The following RYR2 variants were observed in gnomAD, a reference collection of about 807,000 sequenced individuals.
RYR2 encodes the protein cardiac muscle ryanodine receptor-calcium release channel.
A neutral mutation model predicts 601.1 loss-of-function variants in RYR2; 227 were observed. That is an observed-to-expected ratio of 0.38 (90% CI 0.34 to 0.42). RYR2 has a LOEUF of 0.42. RYR2 is among the 10% of genes least tolerant of loss of function. The pLI is 1.00. For synonymous variants in RYR2, 2,223 were observed against 2,175.1 expected (o/e 1.02, Z -0.61); for missense variants, 4,646 against 6,156.5 (o/e 0.75, Z 8.21).
chr1:237,280,786 T>TG (rs1690772160), intron 2 of RYR2, among the ~76,000 whole-genome samples: 1 of 151,502 alleles, frequency 6.6e-6, no homozygotes, highest in South Asian at 2.1e-4. Flanking sequence ...TACTGGTTTT[T>TG]TTTTTTTTTG....
chr1:237,103,694 G>A (rs540971384), intron 1 of RYR2, among the ~76,000 whole-genome samples: 10 of 152,232 alleles, frequency 6.6e-5, no homozygotes, highest in African/African-American at 1.7e-4. Flanking sequence ...TCAGCCTCCC[G>A]AGTAGCTGGG....
chr1:237,822,307 C>G (rs2794838), intron 101 of RYR2, among the ~76,000 whole-genome samples: 39,946 of 152,100 alleles, frequency 0.26, 5,697 homozygotes, highest in East Asian at 0.61. Context: ...CAAAGGGAAG[C>G]ACATCAGACT....
intron 1 of RYR2, among the ~76,000 whole-genome samples, chr1:237,110,322 A>G (rs970689625): frequency 6.6e-6 from 1 of 151,660 alleles, no homozygotes; most frequent in African/African-American, 2.4e-5. Context: ...TGTGCAGGTT[A>G]GTTACATATG....
chr1:237,085,582 G>C (rs190645794), intron 1 of RYR2, among the ~76,000 whole-genome samples: 8 of 152,330 alleles, frequency 5.3e-5, no homozygotes, highest in African/African-American at 1.9e-4. Flanking sequence ...GGGTGCACGT[G>C]TGTGTTTAAT....
Position 237,335,527 on chromosome 1 carries a change from T to C in RYR2, c.273+4545T>C, listed in dbSNP as rs930724605. Among the ~76,000 whole-genome samples the C allele has an allele frequency of 7.6e-4, 116 of 152,212 alleles. 6 individuals carry two copies. The highest frequency in any genetic ancestry group is 7.4e-5 in the Non-Finnish European group (5 of 68,026). On this transcript the variant is annotated intron_variant, in intron 3 of 104. Transcript: ENST00000366574. Reference sequence around the variant, plus strand: ...GGTTTAATGCCATGAGTCCAATATATGGCTTGTATATTCTGTTGAGGACAG... The same window carrying C: ...GGTTTAATGCCATGAGTCCAATATACGGCTTGTATATTCTGTTGAGGACAG...
chr1:237,072,288 C>T (rs6680144), intron 1 of RYR2, among the ~76,000 whole-genome samples: 152,300 of 152,376 alleles, frequency 1, 76,112 homozygotes, highest in Non-Finnish European at 1. Context: ...ACTGGGATTA[C>T]AGGCATGAAC....
intron 2 of RYR2, among the ~76,000 whole-genome samples, chr1:237,307,865 G>A (rs576138851): frequency 2.0e-5 from 3 of 152,286 alleles, no homozygotes; most frequent in East Asian, 3.9e-4. Flanking sequence ...TAACAACATT[G>A]TGCAATAAAG....
chr1:237,562,239 G>T (rs1196590785), intron 27 of RYR2, among the ~76,000 whole-genome samples: 1 of 152,104 alleles, frequency 6.6e-6, no homozygotes, highest in Non-Finnish European at 1.5e-5. Context: ...ATCAAGATTT[G>T]AATTGTTTTA....
intron 101 of RYR2, among the ~76,000 whole-genome samples, chr1:237,825,727 G>C (rs1042726917): frequency 6.6e-6 from 1 of 152,122 alleles, no homozygotes; most frequent in Non-Finnish European, 1.5e-5. Flanking sequence ...GAGTGAACAG[G>C]CAACCTACAG....
intron 95 of RYR2, among the ~76,000 whole-genome samples, chr1:237,794,931 A>G (rs1573981071): frequency 6.6e-6 from 1 of 152,168 alleles, no homozygotes; most frequent in African/African-American, 2.4e-5. Flanking sequence ...TTCATGGGAA[A>G]AACAATGACA....
chr1:237,458,641 A>G (rs1240820026), intron 16 of RYR2, among the ~76,000 whole-genome samples: 1 of 152,168 alleles, frequency 6.6e-6, no homozygotes. Context: ...TGTCTGGCAC[A>G]TAGGAGATAC....
At chr1:237,209,172 T>C (rs796318611) in intron 1 of RYR2, among the ~76,000 whole-genome samples, 1 of 150,968 alleles carries the variant, frequency 6.6e-6, no homozygotes, top group Non-Finnish European at 1.5e-5. Context: ...AATTGAACTA[T>C]GATTCAGCCA....
intron 1 of RYR2, among the ~76,000 whole-genome samples, chr1:237,068,569 T>A (rs1034874372): frequency 3.3e-5 from 5 of 152,160 alleles, no homozygotes; most frequent in African/African-American, 9.7e-5. Flanking sequence ...TAGGGGCTTT[T>A]AAAAAACACT....
At chr1:237,419,604 A>G (rs1705356407) in intron 11 of RYR2, among the ~76,000 whole-genome samples, 1 of 152,214 alleles carries the variant, frequency 6.6e-6, no homozygotes, top group East Asian at 1.9e-4. Context: ...GGAATACCAC[A>G]GAGAAGGCAG....
chr1:237,397,353 G>A (rs1702947566), intron 10 of RYR2, among the ~76,000 whole-genome samples: 1 of 152,134 alleles, frequency 6.6e-6, no homozygotes, highest in Non-Finnish European at 1.5e-5. Flanking sequence ...GAAGCCCAGG[G>A]AAAAACACAA....
chr1:237,666,359 A>G (rs2148871897), intron 56 of RYR2, among the ~76,000 whole-genome samples, 153 bp from the exon 57 acceptor site: 1 of 152,358 alleles, frequency 6.6e-6, no homozygotes, highest in East Asian at 1.9e-4. Flanking sequence ...AATGTGCGAG[A>G]TGTGTTTACA....
At chr1:237,507,882 A>G (rs1665431839) in intron 23 of RYR2, among the ~76,000 whole-genome samples, 1 of 152,230 alleles carries the variant, frequency 6.6e-6, no homozygotes, top group African/African-American at 2.4e-5. Flanking sequence ...AGAAAATGGG[A>G]TGCTTTTATT....
chr1:237,546,656 T>A (rs2618665), intron 25 of RYR2, among the ~76,000 whole-genome samples: 3 of 152,010 alleles, frequency 2.0e-5, no homozygotes, highest in Non-Finnish European at 4.4e-5. Flanking sequence ...GCTGGGATTA[T>A]AGAAGTGAGC....
At chr1:237,344,202 C>A (rs915553232) in intron 3 of RYR2, among the ~76,000 whole-genome samples, 3 of 152,160 alleles carry the variant, frequency 2.0e-5, no homozygotes, top group Non-Finnish European at 4.4e-5. Flanking sequence ...GTGAATCCAG[C>A]TAATGATCGG....
Sources: gnomAD v4.1 joint callset for allele counts (sites outside exome capture counted in the v4.1 genomes callset) on GRCh38, gnomAD v4.1.1 for gene constraint, MANE v1.5 for transcripts, NCBI Gene and HGNC (gene_info 2026-07-23, HGNC 2026-07-21) for gene names.